Variants in SHTN1 observed in about 807,000 individuals in gnomAD.
The protein encoded by SHTN1 is shootin 1.
Under a neutral mutation model 83.1 loss-of-function variants are expected in SHTN1, and 42 were observed. The observed-to-expected ratio is 0.51, with a 90% CI of 0.39 to 0.65. The LOEUF (loss-of-function observed/expected upper bound fraction) is 0.65. SHTN1 is among the 30% of genes least tolerant of loss of function. The pLI, the probability that SHTN1 is intolerant of heterozygous loss-of-function variation, is 0.00. For missense variants in SHTN1, 622 were observed against 737.8 expected, an observed-to-expected ratio of 0.84 and a Z score of 1.82; for synonymous variants, 224 against 247.7, an observed-to-expected ratio of 0.90 and a Z score of 0.90.
chr10:116,947,791 G>A (rs1197117771), intron 7 of SHTN1, among the ~76,000 whole-genome samples: 1 of 152,202 alleles, frequency 6.6e-6, no homozygotes, highest in African/African-American at 2.4e-5. Context: ...CTGAAGGCAA[G>A]ATCTACATGA....
intron 1 of SHTN1, among the ~76,000 whole-genome samples, chr10:117,098,164 G>A (rs1451049691): frequency 1.3e-5 from 2 of 151,160 alleles, no homozygotes; most frequent in East Asian, 3.9e-4. Context: ...CAAGAAGGGC[G>A]GATCACGAGG....
At chr10:116,980,113 A>G (rs1290400277) in intron 1 of SHTN1, among the ~76,000 whole-genome samples, 1 of 152,162 alleles carries the variant, frequency 6.6e-6, no homozygotes, top group African/African-American at 2.4e-5. Context: ...ATCTTTAATC[A>G]AAGCACCATT....
intron 1 of SHTN1, among the ~76,000 whole-genome samples, 186 bp downstream of exon 1, chr10:117,004,836 G>A (rs911451685): frequency 1.9e-4 from 29 of 152,278 alleles, no homozygotes; most frequent in African/African-American, 6.3e-4. Flanking sequence ...GTTATCCTCG[G>A]TCCAGAGCTT....
At chr10:116,943,928 A>G (rs1849476902) in intron 8 of SHTN1, among the ~76,000 whole-genome samples, 1 of 152,132 alleles carries the variant, frequency 6.6e-6, no homozygotes, top group African/African-American at 2.4e-5. Context: ...CCCCTGGATG[A>G]GCCCCAGGGC....
upstream of SHTN1, among the ~76,000 whole-genome samples, chr10:117,009,039 C>G (rs1327861463): frequency 6.6e-6 from 1 of 152,072 alleles, no homozygotes; most frequent in Non-Finnish European, 1.5e-5. Flanking sequence ...CACTTGAACT[C>G]AGGAGGAGGA....
intron 1 of SHTN1, among the ~76,000 whole-genome samples, chr10:116,990,569 CT>C (rs1851393351): frequency 6.6e-6 from 1 of 152,110 alleles, no homozygotes; most frequent in South Asian, 2.1e-4. Context: ...AGGGTCTTTA[CT>C]TTCTTAGGCT....
chr10:117,120,636 A>C (rs1455043627), intron 1 of SHTN1, among the ~76,000 whole-genome samples: 1 of 152,218 alleles, frequency 6.6e-6, no homozygotes, highest in Non-Finnish European at 1.5e-5. Context: ...ACCCACAAAA[A>C]TTAAAAATAA....
intron 2 of SHTN1, among the ~76,000 whole-genome samples, chr10:116,975,423 C>CA (rs1420812008): frequency 6.6e-6 from 1 of 151,482 alleles, no homozygotes; most frequent in African/African-American, 2.4e-5. Context: ...GTTCTTTGTC[C>CA]ATTGCCCAGC....
chr10:116,911,652 T>G, intron 14 of SHTN1, 138 bp downstream of exon 14: 1 of 1,566,204 alleles, frequency 6.4e-7, no homozygotes, highest in South Asian at 1.2e-5. Flanking sequence ...GTAAGCACGA[T>G]CAAATAAACT....
At chr10:117,125,970 A>G (rs1290707202) in intron 1 of SHTN1, among the ~76,000 whole-genome samples, 1 of 152,160 alleles carries the variant, frequency 6.6e-6, no homozygotes, top group African/African-American at 2.4e-5. Context: ...GGAAACCAAA[A>G]CAAAAACCTG....
intron 2 of SHTN1, among the ~76,000 whole-genome samples, chr10:117,012,212 C>T (rs1564930490): frequency 6.6e-6 from 1 of 150,646 alleles, no homozygotes. Flanking sequence ...CAAATTTAAC[C>T]TATAGATCCA....
chr10:117,081,211 C>G (rs1185673190), intron 1 of SHTN1, among the ~76,000 whole-genome samples: 2 of 151,578 alleles, frequency 1.3e-5, no homozygotes, highest in Non-Finnish European at 2.9e-5. Flanking sequence ...TATGTCCCAT[C>G]AATACCTAAT....
chr10:116,981,630 A>T lies in SHTN1; in HGVS notation c.59-2322T>A, dbSNP rs1343170565. ...AAAACAGATATATAAGTATTTTATT[A>T]AAAGACTTTGATTTTAGGTTACTTG... On this transcript the variant is annotated intron_variant, in intron 1 of 16. Transcript: ENST00000355371. 2.0e-5 allele frequency among the ~76,000 whole-genome samples: 3 copies of T among 152,254 alleles called. No homozygotes were observed. The East Asian group carries it at 5.8e-4, about 29-fold the overall frequency.
At chr10:117,111,940 TACCA>T (rs1853773561) in intron 1 of SHTN1, among the ~76,000 whole-genome samples, 1 of 152,068 alleles carries the variant, frequency 6.6e-6, no homozygotes, top group Non-Finnish European at 1.5e-5. Context: ...CCCAAGCACA[TACCA>T]GTGTTTTGGT....
intron 13 of SHTN1, among the ~76,000 whole-genome samples, chr10:116,914,977 G>A (rs113389851): frequency 1.0e-3 from 153 of 152,310 alleles, no homozygotes; most frequent in Middle Eastern, 3.4e-3. Context: ...TCAGCAAGGC[G>A]AGGGTTTTCG....
intron 1 of SHTN1, among the ~76,000 whole-genome samples, chr10:117,051,912 C>T (rs985093270): frequency 2.0e-5 from 3 of 146,652 alleles, no homozygotes; most frequent in Non-Finnish European, 4.5e-5. Context: ...AAATCCTAGA[C>T]AGAATAATTA....
rs868517193 is a variant in SHTN1 at position 116,882,447 on chromosome 10, C to G, written c.*3897G>C. ...TGACATATCCATTGCCTGAATTGCTCTTTTGTAAGCCAGTGTTGGGATTAT... is the reference window on the plus strand; with the variant it reads ...TGACATATCCATTGCCTGAATTGCTGTTTTGTAAGCCAGTGTTGGGATTAT... On this transcript the variant is annotated 3_prime_UTR_variant, in exon 17 of 17. Coordinates refer to ENST00000355371, the MANE Select transcript of SHTN1 (RefSeq NM_001127211.3). 2 of 145,680 alleles carry G rather than the reference C, an allele frequency of 1.4e-5. No individual in the cohort carries two copies. Among genetic ancestry groups the G allele is most frequent in the South Asian group, 4.4e-4 (2 of 4,556 alleles). The allele number at this position is 145,680 out of a possible 1,614,324, so 9.0% of individuals were successfully genotyped here. A position where few individuals can be genotyped will look rare whatever the true frequency, so the allele number is the denominator to read the frequency against.
At chr10:116,940,137 A>T (rs887210224) in intron 9 of SHTN1, among the ~76,000 whole-genome samples, 12 of 152,210 alleles carry the variant, frequency 7.9e-5, no homozygotes, top group African/African-American at 2.9e-4. Flanking sequence ...GTCTCCAAAA[A>T]ATATAACATT....
intron 1 of SHTN1, among the ~76,000 whole-genome samples, chr10:116,980,724 G>A (rs1850984729): frequency 6.6e-6 from 1 of 152,044 alleles, no homozygotes; most frequent in Non-Finnish European, 1.5e-5. Flanking sequence ...AACCACTAGG[G>A]CAAAGAACAC....
Sources: allele counts gnomAD v4.1 joint callset (sites outside exome capture counted in the v4.1 genomes callset), GRCh38; gene constraint gnomAD v4.1.1; transcripts MANE v1.5; gene names NCBI Gene and HGNC (gene_info 2026-07-23, HGNC 2026-07-21).